Variants in RUNX2 observed in about 807,000 individuals in gnomAD.
RUNX2 encodes runt-related transcription factor 2.
Under a neutral mutation model 51.7 loss-of-function variants are expected in RUNX2, and 10 were observed. The observed-to-expected ratio is 0.19, with a 90% CI of 0.12 to 0.33. The LOEUF (loss-of-function observed/expected upper bound fraction) is 0.33, where lower values mean the gene tolerates loss of function less well. RUNX2 is among the 10% of genes least tolerant of loss of function. The pLI is 1.00. For synonymous variants in RUNX2, 276 were observed against 273.6 expected (o/e 1.01, Z -0.09); for missense variants, 562 against 691.3 (o/e 0.81, Z 2.10).
In RUNX2 at chr6:45,369,709, C is replaced by T. The variant is rs1309072054; in HGVS notation, c.58+40925C>T. Among the ~76,000 whole-genome samples the T allele has an allele frequency of 7.2e-5, 11 of 152,170 alleles. No homozygotes were observed. The East Asian group carries it at 1.3e-3, about 19-fold the overall frequency. ...GGGGCACCTACTACAGGCCAAACAC[C>T]GTTCTAAGAGGTAGGGATATAGTAG... On this transcript the variant is annotated intron_variant, in intron 2 of 8. Transcript: ENST00000647337.
intron 2 of RUNX2, among the ~76,000 whole-genome samples, chr6:45,377,123 A>C (rs1796906336): frequency 6.6e-6 from 1 of 152,052 alleles, no homozygotes; most frequent in Non-Finnish European, 1.5e-5. Flanking sequence ...GAACTCCTAA[A>C]ACGTGGAGAG....
chr6:45,505,320 G>C (rs547620144), intron 6 of RUNX2, among the ~76,000 whole-genome samples: 1 of 150,986 alleles, frequency 6.6e-6, no homozygotes, highest in Admixed American at 6.6e-5. Flanking sequence ...GAAGAGAATT[G>C]GATATGTTTT....
chr6:45,444,393 G>A (rs1477215803), intron 5 of RUNX2, among the ~76,000 whole-genome samples: 1 of 152,198 alleles, frequency 6.6e-6, no homozygotes, highest in African/African-American at 2.4e-5. Flanking sequence ...GTGGGAAAAA[G>A]GAGAAGCTCT....
Position 45,547,310 on chromosome 6 carries a change from C to A in RUNX2, c.*5C>A. On this transcript the variant is annotated 3_prime_UTR_variant, in exon 9 of 9. Coordinates refer to ENST00000647337, the MANE Select transcript of RUNX2 (RefSeq NM_001024630.4). ...TCTGTTTGGCGACCATATTGAAATT[C>A]CTCAGCAGTGGCCCAGTGGTATCTG... 1 of 1,609,968 alleles carries A rather than the reference C, an allele frequency of 6.2e-7. No homozygotes were observed. The highest frequency in any genetic ancestry group is 8.5e-7 in the Non-Finnish European group (1 of 1,176,454).
At chr6:45,544,423 G>C (rs964810100) in intron 7 of RUNX2, among the ~76,000 whole-genome samples, 1 of 152,000 alleles carries the variant, frequency 6.6e-6, no homozygotes, top group African/African-American at 2.4e-5. Context: ...TTACTGCCAG[G>C]GCCCCACATA....
At chr6:45,364,189 T>C (rs1007708184) in intron 2 of RUNX2, among the ~76,000 whole-genome samples, 3 of 152,052 alleles carry the variant, frequency 2.0e-5, no homozygotes, top group Non-Finnish European at 2.9e-5. Context: ...CAAATATTCT[T>C]CAGGATCTTC....
intron 2 of RUNX2, among the ~76,000 whole-genome samples, chr6:45,394,688 GT>G (rs1797545274): frequency 6.6e-6 from 1 of 152,190 alleles, no homozygotes; most frequent in Admixed American, 6.5e-5. Context: ...AGGAAGGCCA[GT>G]AGGGGCTGGG....
In RUNX2 at chr6:45,550,349, C is replaced by A. The variant is rs1802528867; in HGVS notation, c.*3044C>A. The A allele has an allele frequency of 6.6e-6, 1 of 152,226 alleles. No homozygotes were observed. 9.4% of individuals were successfully genotyped at this position (152,226 alleles called of 1,614,324 possible). The stretch of plus-strand genomic sequence containing the variant: ...TGCTCTTTAGACGGTCTCACTGCCT[C>A]TCACTTGCCAGAGCCCTTTCAAAAT... On this transcript the variant is annotated 3_prime_UTR_variant, in exon 9 of 9. Coordinates refer to ENST00000647337, the MANE Select transcript of RUNX2 (RefSeq NM_001024630.4).
At chr6:45,361,109 T>C (rs1794175411) in intron 2 of RUNX2, among the ~76,000 whole-genome samples, 1 of 152,142 alleles carries the variant, frequency 6.6e-6, no homozygotes, top group African/African-American at 2.4e-5. Context: ...ATCTCAAAAA[T>C]ACAAAGGTAA....
In RUNX2 at chr6:45,357,006, A is replaced by T. The variant is rs1474210194; in HGVS notation, c.58+28222A>T. ...TCTGATATATTTTTAGTAATGAAGA[A>T]TCCATTTTTTTCTTTTCTGAGACGG... On this transcript the variant is annotated intron_variant, in intron 2 of 8. Coordinates refer to ENST00000647337, the MANE Select transcript of RUNX2 (RefSeq NM_001024630.4). Among the ~76,000 whole-genome samples the T allele has an allele frequency of 2.6e-5, 4 of 151,954 alleles. No individual in the cohort carries two copies. In the South Asian group the frequency reaches 8.3e-4, roughly 32 times the overall value.
chr6:45,488,569 G>A (rs1312198358), intron 5 of RUNX2, among the ~76,000 whole-genome samples: 1 of 152,110 alleles, frequency 6.6e-6, no homozygotes, highest in Non-Finnish European at 1.5e-5. Context: ...TGGATCATGT[G>A]GTGAAATCTT....
chr6:45,449,486 C>T (rs891233944), intron 5 of RUNX2, among the ~76,000 whole-genome samples: 6 of 152,212 alleles, frequency 3.9e-5, no homozygotes, highest in Non-Finnish European at 8.8e-5. Flanking sequence ...CTATGTTACT[C>T]TGCAAGTCAG....
intron 2 of RUNX2, among the ~76,000 whole-genome samples, chr6:45,391,418 A>AT (rs1797467728): frequency 6.6e-6 from 1 of 152,184 alleles, no homozygotes; most frequent in Non-Finnish European, 1.5e-5. Context: ...CTGGGCAGAT[A>AT]TTGGTACTAT....
At chr6:45,346,693 T>C (rs559103611) in intron 2 of RUNX2, among the ~76,000 whole-genome samples, 1 of 152,006 alleles carries the variant, frequency 6.6e-6, no homozygotes, top group South Asian at 2.1e-4. Context: ...TCTGCCTGAC[T>C]AGCTGGGATT....
intron 2 of RUNX2, among the ~76,000 whole-genome samples, chr6:45,406,805 T>G (rs1259278241): frequency 2.0e-5 from 3 of 152,296 alleles, no homozygotes; most frequent in East Asian, 1.9e-4. Context: ...ATACTAAAAA[T>G]AATGACATGA....
intron 5 of RUNX2, among the ~76,000 whole-genome samples, chr6:45,483,642 A>G (rs1028121733): frequency 3.3e-5 from 5 of 152,246 alleles, no homozygotes; most frequent in Admixed American, 6.5e-5. Context: ...AACCACATGT[A>G]GTAGACAAAA....
At chr6:45,495,379 A>G (rs566942671) in intron 6 of RUNX2, among the ~76,000 whole-genome samples, 1 of 152,326 alleles carries the variant, frequency 6.6e-6, no homozygotes, top group South Asian at 2.1e-4. Flanking sequence ...CCAGGATGTC[A>G]TTGTTCCCTA....
chr6:45,418,714 G>A (rs926018275), intron 2 of RUNX2, among the ~76,000 whole-genome samples: 5 of 152,138 alleles, frequency 3.3e-5, no homozygotes, highest in Non-Finnish European at 5.9e-5. Context: ...AGTTCCAGTC[G>A]AAAGTGTGAA....
intron 2 of RUNX2, among the ~76,000 whole-genome samples, chr6:45,332,486 A>G (rs1787715145): frequency 6.6e-6 from 1 of 151,842 alleles, no homozygotes; most frequent in African/African-American, 2.4e-5. Flanking sequence ...ACAGGGTAAC[A>G]TCTCAAATCC....
Sources: gnomAD v4.1 joint callset for allele counts (sites outside exome capture counted in the v4.1 genomes callset) on GRCh38, gnomAD v4.1.1 for gene constraint, MANE v1.5 for transcripts, NCBI Gene and HGNC (gene_info 2026-07-23, HGNC 2026-07-21) for gene names.